RASA3: variants seen among roughly 807,000 people sequenced by gnomAD.
RASA3 encodes the protein ras GTPase-activating protein 3.
RASA3 carries 73 observed loss-of-function variants against 110.0 expected under a neutral mutation model. The ratio of observed to expected loss-of-function variants is 0.66; its 90% CI spans 0.55 to 0.81. The LOEUF (loss-of-function observed/expected upper bound fraction) is 0.81, where lower values mean the gene tolerates loss of function less well. Among genes scored for constraint, RASA3 ranks in the 30% least tolerant of loss-of-function variants. RASA3 has a pLI of 0.00. For missense variants in RASA3, 976 were observed against 1,113.2 expected, an observed-to-expected ratio of 0.88 and a Z score of 1.75; for synonymous variants, 500 against 451.4, an observed-to-expected ratio of 1.11 and a Z score of -1.37.
intron 23 of RASA3, among the ~76,000 whole-genome samples, chr13:113,980,406 C>T (rs1031365743): frequency 2.0e-4 from 30 of 149,920 alleles, no homozygotes; most frequent in African/African-American, 5.4e-4. Flanking sequence ...TGCACCACCT[C>T]CTCCCACGTG....
intron 23 of RASA3, 67 bp downstream of exon 23, chr13:113,981,608 C>A: frequency 6.5e-7 from 1 of 1,548,608 alleles, no homozygotes; most frequent in Admixed American, 1.7e-5. Context: ...CCCTGCAGCC[C>A]CACCCCCACT....
chr13:114,111,011 A>G (rs2080210767), intron 1 of RASA3, among the ~76,000 whole-genome samples: 1 of 152,084 alleles, frequency 6.6e-6, no homozygotes, highest in African/African-American at 2.4e-5. Flanking sequence ...AAAACCTAAA[A>G]CTGCAACATG....
chr13:114,128,402 A>G (rs2080477586), intron 1 of RASA3, among the ~76,000 whole-genome samples: 1 of 152,230 alleles, frequency 6.6e-6, no homozygotes, highest in South Asian at 2.1e-4. Flanking sequence ...GAGGGAGTCC[A>G]TCAGGCTGAG....
chr13:114,002,934 G>C (rs1483597014), intron 18 of RASA3, among the ~76,000 whole-genome samples: 2 of 152,234 alleles, frequency 1.3e-5, no homozygotes, highest in African/African-American at 4.8e-5. Flanking sequence ...CCCGTCCCCA[G>C]TCCTGTGTCC....
At chr13:114,026,801 C>T (rs1304447696) in intron 7 of RASA3, among the ~76,000 whole-genome samples, 4 of 152,160 alleles carry the variant, frequency 2.6e-5, no homozygotes, top group Non-Finnish European at 4.4e-5. Flanking sequence ...CAAACCGCAC[C>T]GGCCACATGG....
rs759547229 is a variant in RASA3 at position 114,016,252 on chromosome 13, G to C, written c.1226C>G (p.Pro409Arg). The C allele has an allele frequency of 1.3e-6, 2 of 1,598,266 alleles. No homozygotes were observed. The highest frequency in any genetic ancestry group is 4.5e-5 in the East Asian group (2 of 44,790). Residue 409 changes from proline to arginine, a missense_variant, in exon 13 of 24, where the codon CCC becomes CGC. Pro to Arg is a moderately radical substitution (Grantham distance 103). Around this residue, in one of 4 missense-constraint regions of RASA3, gnomAD observed 732 missense variants for 779.7 expected, o/e 0.94. Coordinates refer to ENST00000334062, the MANE Select transcript of RASA3 (RefSeq NM_007368.4). Reference protein sequence around the residue: ...AIEEICQSHKPCEIDPVKLKD... With the variant: ...AIEEICQSHKRCEIDPVKLKD... The stretch of plus-strand genomic sequence containing the variant: ...CAACTTCACAGGGTCGATTTCACAG[G>C]GTTTGTGGCTCTGGCATATCTGGGG...
chr13:113,999,757 C>T (rs1349874511), intron 19 of RASA3, 90 bp from the exon 20 acceptor site: 2 of 818,064 alleles, frequency 2.4e-6, no homozygotes, highest in Middle Eastern at 4.0e-4. Flanking sequence ...CGGGGGGTCT[C>T]CCAGGGGGTC....
chr13:113,996,401 G>A lies in RASA3; in HGVS notation c.2141+130C>T, dbSNP rs533198431. 238 of 943,518 alleles carry A rather than the reference G, an allele frequency of 2.5e-4. 1 individual carries two copies. The African/African-American group carries it at 3.8e-3, about 15-fold the overall frequency. The allele number at this position is 943,518 out of a possible 1,614,324, so 58.4% of individuals were successfully genotyped here. A position where few individuals can be genotyped will look rare whatever the true frequency, so the allele number is the denominator to read the frequency against. ...CCCTCGGGTGGGAGGCTCCTGGGAG[G>A]AGGCGAGGGCAGCCCTGTTTATGTG... On this transcript the variant is annotated intron_variant, in intron 21 of 23. Transcript: ENST00000334062.
intron 3 of RASA3, among the ~76,000 whole-genome samples, chr13:114,047,377 A>G (rs1439144573): frequency 3.9e-5 from 6 of 152,252 alleles, no homozygotes; most frequent in Non-Finnish European, 8.8e-5. Context: ...GCAAACGGTA[A>G]CTAGAGAATA....
intron 1 of RASA3, among the ~76,000 whole-genome samples, chr13:114,128,875 G>A (rs962108885): frequency 1.3e-5 from 2 of 152,160 alleles, no homozygotes; most frequent in African/African-American, 2.4e-5. Flanking sequence ...CCAGCTCGAC[G>A]GCAGGGTCAC....
chr13:114,076,726 C>T (rs951208353), intron 1 of RASA3, among the ~76,000 whole-genome samples: 8 of 152,032 alleles, frequency 5.3e-5, no homozygotes, highest in African/African-American at 1.7e-4. Context: ...TTCCTGGTGG[C>T]CGCGGCTGCC....
At chr13:114,069,046 C>G (rs889521149) in intron 2 of RASA3, among the ~76,000 whole-genome samples, 3 of 152,164 alleles carry the variant, frequency 2.0e-5, no homozygotes, top group African/African-American at 7.2e-5. Flanking sequence ...GACGCGCGGC[C>G]CAGGGGCCCG....
intron 7 of RASA3, among the ~76,000 whole-genome samples, chr13:114,027,016 C>G (rs190124020): frequency 1.3e-5 from 2 of 152,248 alleles, no homozygotes; most frequent in East Asian, 3.9e-4. Flanking sequence ...GGCAGAGCAG[C>G]CAAAAAAACA....
At chr13:113,997,441 G>A (rs7317997) in intron 20 of RASA3, among the ~76,000 whole-genome samples, 84,260 of 151,554 alleles carry the variant, frequency 0.56, 24,918 homozygotes, top group African/African-American at 0.76. Context: ...TGCTGTAGTC[G>A]GCGTTGACTC....
At chr13:114,026,179 G>A (rs2054022017) in intron 7 of RASA3, among the ~76,000 whole-genome samples, 1 of 152,248 alleles carries the variant, frequency 6.6e-6, no homozygotes, top group African/African-American at 2.4e-5. Context: ...CAAGCGTGAT[G>A]AGCACCCGTG....
At chr13:114,004,653 G>A (rs938907385) in intron 18 of RASA3, among the ~76,000 whole-genome samples, 1 of 152,236 alleles carries the variant, frequency 6.6e-6, no homozygotes, top group East Asian at 1.9e-4. Flanking sequence ...AGACGCTGCA[G>A]AGCTGTGGAG....
chr13:113,997,467 G>A (rs2053282173), intron 20 of RASA3, among the ~76,000 whole-genome samples: 1 of 152,114 alleles, frequency 6.6e-6, no homozygotes, highest in Non-Finnish European at 1.5e-5. Flanking sequence ...TAGTTAAGCA[G>A]GGGGTGGGGG....
chr13:114,026,073 C>T (rs919892766), intron 7 of RASA3, among the ~76,000 whole-genome samples: 10 of 152,258 alleles, frequency 6.6e-5, no homozygotes, highest in Non-Finnish European at 2.9e-5. Flanking sequence ...GGTTTTCAGA[C>T]TGTCTGTGGT....
At chr13:114,018,542 G>A (rs1594331746) in intron 10 of RASA3, among the ~76,000 whole-genome samples, 1 of 152,296 alleles carries the variant, frequency 6.6e-6, no homozygotes, top group African/African-American at 2.4e-5. Context: ...AACCCGGAGA[G>A]TCCTTAGCAT....
Sources: allele counts gnomAD v4.1 joint callset (sites outside exome capture counted in the v4.1 genomes callset), GRCh38; gene constraint gnomAD v4.1.1; regional missense constraint gnomAD v4.1.1; transcripts MANE v1.5; gene names NCBI Gene and HGNC (gene_info 2026-07-23, HGNC 2026-07-21).